NRXN1: variants seen among roughly 807,000 people sequenced by gnomAD.
NRXN1 encodes neurexin 1.
Under a neutral mutation model 150.9 loss-of-function variants are expected in NRXN1, and 39 were observed. The ratio of observed to expected loss-of-function variants is 0.26; its 90% CI spans 0.20 to 0.34. The LOEUF (loss-of-function observed/expected upper bound fraction) is 0.34, where lower values mean the gene tolerates loss of function less well. NRXN1 is among the 10% of genes least tolerant of loss of function. NRXN1 has a pLI of 1.00. For synonymous variants in NRXN1, 924 were observed against 757.0 expected (o/e 1.22, Z -3.62); for missense variants, 1,815 against 1,949.9 (o/e 0.93, Z 1.30).
At chr2:50,828,637 C>T (rs1246502051) in intron 5 of NRXN1, among the ~76,000 whole-genome samples, 3 of 150,920 alleles carry the variant, frequency 2.0e-5, no homozygotes, top group Non-Finnish European at 2.9e-5. Flanking sequence ...GATGGGTGGC[C>T]GGGCAGAGAC....
chr2:50,925,158 T>C (rs2104322951), intron 3 of NRXN1, among the ~76,000 whole-genome samples: 1 of 151,972 alleles, frequency 6.6e-6, no homozygotes, highest in East Asian at 1.9e-4. Context: ...TTATGCCTTG[T>C]TCTTTTTGCA....
At chr2:50,569,966 T>C (rs1670414344) in intron 8 of NRXN1, among the ~76,000 whole-genome samples, 1 of 152,200 alleles carries the variant, frequency 6.6e-6, no homozygotes, top group African/African-American at 2.4e-5. Flanking sequence ...ACTTGAGACC[T>C]TGTCTAATAC....
chr2:50,584,750 T>C (rs1207735609), intron 8 of NRXN1, among the ~76,000 whole-genome samples: 2 of 152,104 alleles, frequency 1.3e-5, no homozygotes, highest in Admixed American at 1.3e-4. Flanking sequence ...TATAGTTTGG[T>C]ATGCTGGTTT....
chr2:50,363,772 C>T (rs1460872562), intron 17 of NRXN1, among the ~76,000 whole-genome samples: 1 of 152,168 alleles, frequency 6.6e-6, no homozygotes, highest in East Asian at 1.9e-4. Flanking sequence ...AATCATTCTA[C>T]TATAAAGACA....
intron 19 of NRXN1, among the ~76,000 whole-genome samples, chr2:50,083,666 C>A (rs1222891557): frequency 6.6e-6 from 1 of 152,184 alleles, no homozygotes; most frequent in Non-Finnish European, 1.5e-5. Context: ...CCACATCCTG[C>A]TGATCGGTCC....
At position 50,538,544 on chromosome 2, in the gene NRXN1, GC is replaced by G; in HGVS notation, c.1851del (p.Leu618CysfsTer51). The part of the protein sequence containing the change: ...LDLDDELYLG[G>X]LPENKAGLVF... ...ACAAGGCCAGCTTTATTTTCTGGCA[GC>G]CCCCCCAGGTACAACTCATCATCCA... On this transcript the variant is annotated frameshift_variant, in exon 10 of 23. Coordinates refer to ENST00000401669, the MANE Select transcript of NRXN1 (RefSeq NM_001330078.2). LOFTEE classifies it high-confidence loss of function. 2 of 1,585,292 alleles carry G rather than the reference GC, an allele frequency of 1.3e-6. No individual in the cohort carries two copies. The highest frequency in any genetic ancestry group is 1.7e-5 in the Admixed American group (1 of 58,596).
chr2:50,694,592 C>T (rs985418322), intron 5 of NRXN1, among the ~76,000 whole-genome samples: 13 of 152,094 alleles, frequency 8.5e-5, no homozygotes, highest in African/African-American at 3.1e-4. Flanking sequence ...TTCATCTCTA[C>T]AAAGTCAGAA....
In NRXN1 at chr2:50,566,494, A is replaced by T. The variant is rs13400976; in HGVS notation, c.1321-13469T>A. 4.1e-3 allele frequency among the ~76,000 whole-genome samples: 613 copies of T among 148,260 alleles called. 2 individuals are homozygous for T. The highest frequency in any genetic ancestry group is 0.015 in the African/African-American group (601 of 39,766). On this transcript the variant is annotated intron_variant, in intron 8 of 22. Coordinates refer to ENST00000401669, the MANE Select transcript of NRXN1 (RefSeq NM_001330078.2). Reference sequence around the variant, plus strand: ...GGTCTGAAATGCATGACCTCTGGTGATCCGCCTGCCTCAGCCTCCCAAAGT... The same window carrying T: ...GGTCTGAAATGCATGACCTCTGGTGTTCCGCCTGCCTCAGCCTCCCAAAGT...
intron 2 of NRXN1, among the ~76,000 whole-genome samples, chr2:50,932,830 C>T (rs1687965123): frequency 6.6e-6 from 1 of 151,874 alleles, no homozygotes; most frequent in South Asian, 2.1e-4. Context: ...AGTAAGAAGA[C>T]TGTGAGAAGA....
chr2:50,329,336 A>C (rs904155584), intron 17 of NRXN1, among the ~76,000 whole-genome samples: 6 of 151,876 alleles, frequency 4.0e-5, no homozygotes, highest in African/African-American at 1.5e-4. Flanking sequence ...AAACAGTGTA[A>C]AACAGTTAAA....
chr2:50,839,630 T>C (rs1298771789), intron 5 of NRXN1, among the ~76,000 whole-genome samples: 2 of 152,284 alleles, frequency 1.3e-5, no homozygotes, highest in South Asian at 2.1e-4. Flanking sequence ...CCATAAAGGA[T>C]GAATAATACA....
chr2:50,926,820 G>C (rs576409032), intron 2 of NRXN1, among the ~76,000 whole-genome samples: 101 of 151,878 alleles, frequency 6.7e-4, no homozygotes, highest in African/African-American at 2.3e-3. Flanking sequence ...ATATTTCCAT[G>C]TGTGTACCTA....
At chr2:50,386,496 C>A (rs1268315011) in intron 17 of NRXN1, among the ~76,000 whole-genome samples, 2 of 151,612 alleles carry the variant, frequency 1.3e-5, no homozygotes, top group Admixed American at 1.3e-4. Flanking sequence ...TCAGCAAACC[C>A]AGAATGAAAG....
chr2:50,717,642 C>T (rs571390411), intron 5 of NRXN1, among the ~76,000 whole-genome samples: 1 of 152,290 alleles, frequency 6.6e-6, no homozygotes, highest in East Asian at 1.9e-4. Context: ...GCTGCTATAA[C>T]AAAAGTAGCT....
chr2:50,713,755 T>C (rs926651227), intron 5 of NRXN1, among the ~76,000 whole-genome samples: 4 of 152,198 alleles, frequency 2.6e-5, no homozygotes, highest in African/African-American at 7.2e-5. Flanking sequence ...CATAACATCT[T>C]ATGTCAATTT....
chr2:50,950,331 T>C (rs1691108231), intron 2 of NRXN1, among the ~76,000 whole-genome samples: 1 of 152,154 alleles, frequency 6.6e-6, no homozygotes, highest in African/African-American at 2.4e-5. Context: ...CATGTCAAAT[T>C]ATATATCTAG....
chr2:49,946,170 G>C (rs543874096), intron 21 of NRXN1, among the ~76,000 whole-genome samples: 1 of 152,074 alleles, frequency 6.6e-6, no homozygotes, highest in South Asian at 2.1e-4. Context: ...TGTGTTGGCC[G>C]TATAAATGTC....
chr2:50,490,894 C>T (rs968822822), intron 15 of NRXN1, among the ~76,000 whole-genome samples: 1 of 152,050 alleles, frequency 6.6e-6, no homozygotes, highest in Non-Finnish European at 1.5e-5. Flanking sequence ...CTACTGGATC[C>T]TTAAAATAAT....
intron 18 of NRXN1, among the ~76,000 whole-genome samples, chr2:50,121,263 C>A (rs184523895): frequency 6.6e-6 from 1 of 152,282 alleles, no homozygotes; most frequent in East Asian, 1.9e-4. Flanking sequence ...CCTTAAGATC[C>A]GCCTGCCTCA....
Sources: allele counts gnomAD v4.1 joint callset (sites outside exome capture counted in the v4.1 genomes callset), GRCh38; gene constraint gnomAD v4.1.1; transcripts MANE v1.5; gene names NCBI Gene and HGNC (gene_info 2026-07-23, HGNC 2026-07-21).